Variants in CCDC150 observed in about 807,000 individuals in gnomAD.
The protein encoded by CCDC150 is coiled-coil domain-containing protein 150.
In CCDC150, 151 loss-of-function variants were observed where a neutral mutation model predicts 156.5. The observed-to-expected ratio is 0.97, with a 90% CI of 0.85 to 1.10. The LOEUF (loss-of-function observed/expected upper bound fraction) is 1.10, where lower values mean the gene tolerates loss of function less well. Ranked by LOEUF, CCDC150 falls within the 50% of genes least tolerant of loss-of-function variation. The probability of loss-of-function intolerance (pLI) is 0.00; values close to 1 mark genes in which losing one functional copy is unlikely to be tolerated. For missense variants in CCDC150, 1,312 were observed against 1,268.1 expected (o/e 1.03, Z -0.53); for synonymous variants, 452 against 429.4 (o/e 1.05, Z -0.65).
intron 5 of CCDC150, among the ~76,000 whole-genome samples, chr2:196,664,818 T>C (rs77270234): frequency 6.6e-6 from 1 of 151,802 alleles, no homozygotes; most frequent in Non-Finnish European, 1.5e-5. Context: ...GACACTCTTA[T>C]GAGGTGATTC....
At position 196,719,572 on chromosome 2, in the gene CCDC150, C is replaced by T. The variant is rs17855134; in HGVS notation, c.2071C>T (p.Leu691=). Residue 691 remains leucine (L), a synonymous_variant, in exon 19 of 28, where the codon CTG becomes TTG. Coordinates refer to ENST00000389175, the MANE Select transcript of CCDC150 (RefSeq NM_001080539.2). ...AGTCACAATCATGTTGGAGAATGTG[C>T]TGGCTTCTCACAGTAAGATGCAAGG... The part of the protein sequence containing the change: ...CKVTIMLENV[L]ASHSKMQGAL... 2 of 1,613,316 alleles carry T rather than the reference C, an allele frequency of 1.2e-6. No individual in the cohort carries two copies. Among genetic ancestry groups the T allele is most frequent in the Non-Finnish European group, 1.7e-6 (2 of 1,179,608 alleles).
At chr2:196,647,392 G>A (rs754230883) in intron 2 of CCDC150, among the ~76,000 whole-genome samples, 5 of 151,780 alleles carry the variant, frequency 3.3e-5, no homozygotes, top group South Asian at 2.1e-4. Context: ...TATATATTAT[G>A]TACCTAATTA....
intron 17 of CCDC150, 95 bp from the exon 18 acceptor site, chr2:196,718,407 TA>T (rs1293682472): frequency 7.2e-6 from 7 of 974,570 alleles, no homozygotes; most frequent in Non-Finnish European, 1.0e-5. Flanking sequence ...AGTGAATAAA[TA>T]TATTTAAACA....
rs1415438854 is a variant in CCDC150, at chr2:196,656,859, G to T, written c.397+6G>T. On this transcript the variant is annotated splice_donor_region_variant and intron_variant, in intron 3 of 27. Transcript: ENST00000389175. ...TTTGAATCCTCAGAAAACAGGTATAGAGATAAGAATCATCAGAAATGTGGT... is the reference window on the plus strand; with the variant it reads ...TTTGAATCCTCAGAAAACAGGTATATAGATAAGAATCATCAGAAATGTGGT... 6.2e-7 allele frequency: 1 copy of T among 1,613,390 alleles called. No homozygotes were observed. The highest frequency in any genetic ancestry group is 2.2e-5 in the East Asian group (1 of 44,876).
intron 2 of CCDC150, among the ~76,000 whole-genome samples, chr2:196,652,703 G>A (rs1248809781): frequency 2.6e-5 from 4 of 152,224 alleles, no homozygotes; most frequent in African/African-American, 9.7e-5. Flanking sequence ...GACTGTTTGT[G>A]GGGACTCCAG....
intron 19 of CCDC150, among the ~76,000 whole-genome samples, chr2:196,720,022 C>A (rs1697786279): frequency 6.6e-6 from 1 of 152,058 alleles, no homozygotes; most frequent in East Asian, 1.9e-4. Context: ...TAAGTACATA[C>A]TTTAGTTTGA....
chr2:196,683,548 A>G (rs1287034045), intron 13 of CCDC150, among the ~76,000 whole-genome samples: 1 of 151,968 alleles, frequency 6.6e-6, no homozygotes, highest in East Asian at 1.9e-4. Context: ...TATTCCCTCC[A>G]TTTCTATTGT....
chr2:196,729,769 A>G (rs1698425383), intron 23 of CCDC150, 24 bp from the exon 24 acceptor site: 2 of 1,463,730 alleles, frequency 1.4e-6, no homozygotes, highest in East Asian at 4.6e-5. Context: ...TCATCTTTTT[A>G]TGTTATTTTC....
Position 196,721,634 on chromosome 2 carries a change from A to G in CCDC150, c.2372A>G (p.His791Arg). 6.2e-7 allele frequency: 1 copy of G among 1,604,860 alleles called. No individual in the cohort carries two copies. The highest frequency in any genetic ancestry group is 8.5e-7 in the Non-Finnish European group (1 of 1,175,896). Residue 791 changes from histidine to arginine, a missense_variant, in exon 21 of 28, where the codon CAC becomes CGC. By Grantham distance (29) the His-to-Arg change is conservative. Coordinates refer to ENST00000389175, the MANE Select transcript of CCDC150 (RefSeq NM_001080539.2). ...TNNHLQTKLD[H>R]IQEQLESKEL... ...AATCATCTGCAAACAAAGCTAGATC[A>G]CATTCAAGAGCAATTGGAAAGCAAA...
intron 2 of CCDC150, among the ~76,000 whole-genome samples, chr2:196,654,804 G>A (rs982894652): frequency 2.6e-5 from 4 of 151,660 alleles, no homozygotes; most frequent in Middle Eastern, 3.2e-3. Flanking sequence ...CTTTTAACTC[G>A]CCGTGTTGGT....
chr2:196,645,214 C>T (rs1353542510), intron 1 of CCDC150, among the ~76,000 whole-genome samples: 2 of 152,180 alleles, frequency 1.3e-5, no homozygotes, highest in Non-Finnish European at 2.9e-5. Context: ...GAAACATCCT[C>T]AGCGGGTATA....
At chr2:196,668,187 A>G (rs1693965527) in intron 7 of CCDC150, among the ~76,000 whole-genome samples, 1 of 151,350 alleles carries the variant, frequency 6.6e-6, no homozygotes, top group Non-Finnish European at 1.5e-5. Flanking sequence ...AGTCCCAGCT[A>G]CTTGGGAGGC....
chr2:196,640,926 CA>C (rs1692183722), intron 1 of CCDC150, among the ~76,000 whole-genome samples: 1 of 152,118 alleles, frequency 6.6e-6, no homozygotes, highest in Non-Finnish European at 1.5e-5. Flanking sequence ...TCACTGACAG[CA>C]AAAGCCAGAC....
At chr2:196,665,793 A>AT (rs1693810996) in intron 6 of CCDC150, 110 bp downstream of exon 6, 2 of 587,426 alleles carry the variant, frequency 3.4e-6, no homozygotes, top group Non-Finnish European at 5.7e-6. Context: ...TTATTAAAAT[A>AT]TTTACTTTTT....
At chr2:196,687,536 C>G (rs936607706) in intron 13 of CCDC150, among the ~76,000 whole-genome samples, 2 of 151,968 alleles carry the variant, frequency 1.3e-5, no homozygotes, top group Non-Finnish European at 2.9e-5. Context: ...TATAGTCTTT[C>G]ATTCTGTAGA....
chr2:196,653,722 C>CAAAAG (rs1484327927), intron 2 of CCDC150, among the ~76,000 whole-genome samples: 1 of 152,182 alleles, frequency 6.6e-6, no homozygotes, highest in Non-Finnish European at 1.5e-5. Flanking sequence ...TGCCCATTAC[C>CAAAAG]CAGTTCCAAA....
At chr2:196,656,527 T>G (rs958053977) in intron 2 of CCDC150, 106 bp from the exon 3 acceptor site, 46 of 774,780 alleles carry the variant, frequency 5.9e-5, no homozygotes, top group Non-Finnish European at 7.4e-5. Context: ...GTGATGTCAC[T>G]CTCCAATTAT....
intron 17 of CCDC150, 78 bp downstream of exon 17, chr2:196,712,817 T>C: frequency 9.3e-7 from 1 of 1,070,898 alleles, no homozygotes; most frequent in South Asian, 1.4e-5. Context: ...ACATAATATT[T>C]TAACGAATGA....
At chr2:196,710,513 T>G (rs1697035141) in intron 15 of CCDC150, among the ~76,000 whole-genome samples, 1 of 152,198 alleles carries the variant, frequency 6.6e-6, no homozygotes, top group African/African-American at 2.4e-5. Flanking sequence ...CTGCACCCAC[T>G]GTCCAACCAG....
Sources: gnomAD v4.1 joint callset for allele counts (sites outside exome capture counted in the v4.1 genomes callset) on GRCh38, gnomAD v4.1.1 for gene constraint, MANE v1.5 for transcripts, NCBI Gene and HGNC (gene_info 2026-07-23, HGNC 2026-07-21) for gene names.